NUFIP2: variants seen among roughly 807,000 people sequenced by gnomAD.
The protein encoded by NUFIP2 is nuclear FMR1 interacting protein 2.
A neutral mutation model predicts 56.9 loss-of-function variants in NUFIP2; 6 were observed. That is an observed-to-expected ratio of 0.11 (90% CI 0.06 to 0.21). NUFIP2 has a LOEUF of 0.21. Ranked by LOEUF, NUFIP2 falls within the 10% of genes least tolerant of loss-of-function variation. The probability of loss-of-function intolerance (pLI) is 1.00; values close to 1 mark genes in which losing one functional copy is unlikely to be tolerated. For synonymous variants in NUFIP2, 321 were observed against 298.2 expected, an observed-to-expected ratio of 1.08 and a Z score of -0.79; for missense variants, 828 against 826.8, an observed-to-expected ratio of 1.00 and a Z score of -0.02.
In NUFIP2 at chr17:29,256,930, A is replaced by G. The variant is rs1211522958; in HGVS notation, c.*7609T>C. On this transcript the variant is annotated 3_prime_UTR_variant, in exon 4 of 4. Transcript: ENST00000225388. Reference sequence around the variant, plus strand: ...CAAGCCAGTCAATTCAGTAAACCAAATTTATGCTAAAGCAATAAAGGTAAA... The same window carrying G: ...CAAGCCAGTCAATTCAGTAAACCAAGTTTATGCTAAAGCAATAAAGGTAAA... 2.6e-5 allele frequency: 4 copies of G among 152,222 alleles called. No individual in the cohort carries two copies. Among genetic ancestry groups the G allele is most frequent in the Non-Finnish European group, 5.9e-5 (4 of 68,020 alleles). 9.4% of individuals were successfully genotyped at this position (152,222 alleles called of 1,614,324 possible). A position where few individuals can be genotyped will look rare whatever the true frequency, so the allele number is the denominator to read the frequency against.
chr17:29,258,368 C>CTGGAGTTTTGATTGATT lies in NUFIP2; in HGVS notation c.*6154_*6170dup, dbSNP rs2068982338. 1 of 152,172 alleles carries CTGGAGTTTTGATTGATT rather than the reference C, an allele frequency of 6.6e-6. No individual in the cohort carries two copies. The highest frequency in any genetic ancestry group is 6.5e-5 in the Admixed American group (1 of 15,278). 9.4% of individuals were successfully genotyped at this position (152,172 alleles called of 1,614,324 possible). On this transcript the variant is annotated 3_prime_UTR_variant, in exon 4 of 4. Coordinates refer to ENST00000225388, the MANE Select transcript of NUFIP2 (RefSeq NM_020772.3). ...CTAAGTAAAAAGACAAGAGAAACAG[C>CTGGAGTTTTGATTGATT]TGGAGTTTTGATTGATTTGATTTAA...
At chr17:29,281,271 G>A (rs938694805) in intron 2 of NUFIP2, among the ~76,000 whole-genome samples, 5 of 151,942 alleles carry the variant, frequency 3.3e-5, no homozygotes, top group East Asian at 1.9e-4. Flanking sequence ...GCAGTGAGCC[G>A]AGATCACGCC....
At chr17:29,282,424 T>C (rs2069145795) in intron 2 of NUFIP2, among the ~76,000 whole-genome samples, 1 of 151,638 alleles carries the variant, frequency 6.6e-6, no homozygotes, top group Admixed American at 6.6e-5. Flanking sequence ...GGCGTGCACC[T>C]GTAATCCCAG....
rs761860572 is a variant in NUFIP2 at position 29,287,301 on chromosome 17, G to T, written c.693C>A (p.Ala231=). 6.2e-7 allele frequency: 1 copy of T among 1,613,986 alleles called. No individual in the cohort carries two copies. Among genetic ancestry groups the T allele is most frequent in the Non-Finnish European group, 8.5e-7 (1 of 1,180,028 alleles). Residue 231 remains alanine, a synonymous_variant, in exon 2 of 4, where the codon GCC becomes GCA. Transcript: ENST00000225388. ...PKKRKARRNS[A]KGCENLNIVQ... The stretch of plus-strand genomic sequence containing the variant: ...CTATATTAAGGTTTTCACAACCCTT[G>T]GCACTATTGCGCCTAGCTTTCCTTT...
Position 29,294,141 on chromosome 17 carries a change from G to T in NUFIP2, c.-82C>A. 4.7e-6 allele frequency: 7 copies of T among 1,486,216 alleles called. No homozygotes were observed. Among genetic ancestry groups the T allele is most frequent in the Non-Finnish European group, 6.3e-6 (7 of 1,116,536 alleles). 92.1% of individuals were successfully genotyped at this position (1,486,216 alleles called of 1,614,324 possible). A position where few individuals can be genotyped will look rare whatever the true frequency, so the allele number is the denominator to read the frequency against. On this transcript the variant is annotated 5_prime_UTR_variant, in exon 1 of 4. In the 5' UTR this introduces an upstream ATG that the reference lacks. Coordinates refer to ENST00000225388, the MANE Select transcript of NUFIP2 (RefSeq NM_020772.3). ...GAGACTGCTTCTCAGGGCTCACTCA[G>T]TATATCTGAGCGCGTCTCGCCAGCG...
rs57601557 is a variant in NUFIP2, at chr17:29,272,505, G to T, written c.2003-4975C>A. Among the ~76,000 whole-genome samples, 363 of 152,286 alleles carry T rather than the reference G, an allele frequency of 2.4e-3. 2 individuals are homozygous for T. Among genetic ancestry groups the T allele is most frequent in the African/African-American group, 8.5e-3 (354 of 41,566 alleles). ...TCTGCCCGCCCTGGCCTCCCGAAGT[G>T]CTGGGATTACAGGCGTGAGCCGCTG... On this transcript the variant is annotated intron_variant, in intron 2 of 3. Transcript: ENST00000225388.
Position 29,288,886 on chromosome 17 carries a change from C to T in NUFIP2, c.278-1170G>A, listed in dbSNP as rs1598436284. Among the ~76,000 whole-genome samples, 3 of 152,360 alleles carry T rather than the reference C, an allele frequency of 2.0e-5. No individual in the cohort carries two copies. In the Middle Eastern group the frequency reaches 0.01, roughly 518 times the overall value. The stretch of plus-strand genomic sequence containing the variant: ...TAAAAGTCTTCAACTGCCAGTGGAT[C>T]ATGTCTGTAAACATAGCACTTTGGG... On this transcript the variant is annotated intron_variant, in intron 1 of 3. Coordinates refer to ENST00000225388, the MANE Select transcript of NUFIP2 (RefSeq NM_020772.3).
At position 29,286,428 on chromosome 17, in the gene NUFIP2, AAC is replaced by A; in HGVS notation, c.1564_1565del (p.Val522TyrfsTer8). The A allele has an allele frequency of 6.2e-7, 1 of 1,614,118 alleles. No individual in the cohort carries two copies. Among genetic ancestry groups the A allele is most frequent in the Non-Finnish European group, 8.5e-7 (1 of 1,179,968 alleles). ...INEPSAGPETVTGKSSEHKVM... is the reference protein window; with the variant it reads ...INEPSAGPETXTGKSSEHKVM... Reference sequence around the variant, plus strand: ...CTTTATGCTCTGATGACTTCCCAGTAACAGTCTCAGGGCCAGCACTGGGCTCA... The same window carrying A: ...CTTTATGCTCTGATGACTTCCCAGTAAGTCTCAGGGCCAGCACTGGGCTCA... On this transcript the variant is annotated frameshift_variant, in exon 2 of 4. Transcript: ENST00000225388. LOFTEE classifies it high-confidence loss of function.
rs2068979184 is a variant in NUFIP2 at position 29,257,827 on chromosome 17, G to A, written c.*6712C>T. On this transcript the variant is annotated 3_prime_UTR_variant, in exon 4 of 4. Coordinates refer to ENST00000225388, the MANE Select transcript of NUFIP2 (RefSeq NM_020772.3). ...GAAGGTGCTGAGGGGAGAAGGGAGTGAAGAATCCTTTTACTATTTCCCACT... is the reference window on the plus strand; with the variant it reads ...GAAGGTGCTGAGGGGAGAAGGGAGTAAAGAATCCTTTTACTATTTCCCACT... 6.6e-6 allele frequency: 1 copy of A among 152,176 alleles called. No individual in the cohort carries two copies. Among genetic ancestry groups the A allele is most frequent in the Non-Finnish European group, 1.5e-5 (1 of 68,026 alleles). The allele number at this position is 152,176 out of a possible 1,614,324, so 9.4% of individuals were successfully genotyped here. A position where few individuals can be genotyped will look rare whatever the true frequency, so the allele number is the denominator to read the frequency against.
chr17:29,269,192 G>C (rs369416318), intron 2 of NUFIP2, among the ~76,000 whole-genome samples: 1 of 151,940 alleles, frequency 6.6e-6, no homozygotes, highest in Non-Finnish European at 1.5e-5. Flanking sequence ...AGTCTTCTGT[G>C]GTAATAAAAC....
chr17:29,277,938 G>GGAGGTA (rs2069117328), intron 2 of NUFIP2, among the ~76,000 whole-genome samples: 1 of 152,138 alleles, frequency 6.6e-6, no homozygotes. Context: ...CTTGAACCCA[G>GGAGGTA]GAGGTAGAGG....
At chr17:29,271,736 A>C (rs1246304118) in intron 2 of NUFIP2, among the ~76,000 whole-genome samples, 1 of 152,102 alleles carries the variant, frequency 6.6e-6, no homozygotes, top group African/African-American at 2.4e-5. Context: ...TGAATCAAAC[A>C]GCATTTGCAT....
Position 29,294,089 on chromosome 17 carries a change from C to A in NUFIP2, c.-30G>T, listed in dbSNP as rs372950712. ...AGCGGCTGGGACTCCCTGGCTGAGG[C>A]TGCGGGCTGCTGCACCGTCAGGATC... On this transcript the variant is annotated 5_prime_UTR_variant, in exon 1 of 4. Coordinates refer to ENST00000225388, the MANE Select transcript of NUFIP2 (RefSeq NM_020772.3). 3 of 1,568,208 alleles carry A rather than the reference C, an allele frequency of 1.9e-6. No homozygotes were observed. The highest frequency in any genetic ancestry group is 2.2e-5 in the East Asian group (1 of 44,508).
Position 29,267,874 on chromosome 17 carries a change from G to A in NUFIP2, c.2003-344C>T, listed in dbSNP as rs183092641. On this transcript the variant is annotated intron_variant, in intron 2 of 3. Coordinates refer to ENST00000225388, the MANE Select transcript of NUFIP2 (RefSeq NM_020772.3). The stretch of plus-strand genomic sequence containing the variant: ...GTCTGTTGCCCAGGCTGGTCCTCCT[G>A]CCTCAGGCGTGAGCCTGGATCCTGT... Among the ~76,000 whole-genome samples, 5 of 152,148 alleles carry A rather than the reference G, an allele frequency of 3.3e-5. No individual in the cohort carries two copies. In the East Asian group the frequency reaches 5.8e-4, roughly 18 times the overall value.
chr17:29,289,568 G>A (rs2069198299), intron 1 of NUFIP2, among the ~76,000 whole-genome samples: 1 of 152,062 alleles, frequency 6.6e-6, no homozygotes, highest in Non-Finnish European at 1.5e-5. Context: ...CCCCAGCCTG[G>A]GCAACAAGAG....
At chr17:29,272,523 A>G (rs781352511) in intron 2 of NUFIP2, among the ~76,000 whole-genome samples, 1 of 152,092 alleles carries the variant, frequency 6.6e-6, no homozygotes, top group Non-Finnish European at 1.5e-5. Context: ...TACAGGCGTG[A>G]GCCGCTGCAC....
At chr17:29,270,552 C>G (rs987352365) in intron 2 of NUFIP2, among the ~76,000 whole-genome samples, 3 of 151,840 alleles carry the variant, frequency 2.0e-5, no homozygotes, top group Non-Finnish European at 4.4e-5. Context: ...CCAATACAAC[C>G]AATATTTTTT....
In NUFIP2 at chr17:29,286,842, TGAA is replaced by T. The variant is rs771416549; in HGVS notation, c.1149_1151del (p.Ser386del). ...GGGTCTGAGTTTCCCCGGTAGATGA[TGAA>T]GATGATGAAGATGAAGTTGGTGACA... is the stretch of plus-strand genomic sequence containing the variant. On this transcript the variant is annotated inframe_deletion, in exon 2 of 4. Transcript: ENST00000225388. The T allele has an allele frequency of 1.2e-5, 19 of 1,613,818 alleles. No individual in the cohort carries two copies. In the African/African-American group the frequency reaches 1.9e-4, roughly 16 times the overall value.
At chr17:29,271,547 AAAG>A (rs2069072583) in intron 2 of NUFIP2, among the ~76,000 whole-genome samples, 1 of 152,058 alleles carries the variant, frequency 6.6e-6, no homozygotes, top group African/African-American at 2.4e-5. Flanking sequence ...AAAAAAAAAA[AAAG>A]AAAAGTAAAG....
Sources: allele counts gnomAD v4.1 joint callset (sites outside exome capture counted in the v4.1 genomes callset), GRCh38; gene constraint gnomAD v4.1.1; transcripts MANE v1.5; gene names NCBI Gene and HGNC (gene_info 2026-07-23, HGNC 2026-07-21).